ZNF71: variants seen among roughly 807,000 people sequenced by gnomAD.
ZNF71 encodes endothelial zinc finger protein induced by tumor necrosis factor alpha.
Under a neutral mutation model 6.7 loss-of-function variants are expected in ZNF71, and 3 were observed. That is an observed-to-expected ratio of 0.45 (90% CI 0.20 to 1.16). The LOEUF (loss-of-function observed/expected upper bound fraction) is 1.16, where lower values mean the gene tolerates loss of function less well. Ranked by LOEUF, ZNF71 falls within the 50% of genes most tolerant of loss-of-function variation. The pLI, the probability that ZNF71 is intolerant of heterozygous loss-of-function variation, is 0.25. For missense variants in ZNF71, 688 were observed against 728.6 expected (o/e 0.94, Z 0.64); for synonymous variants, 343 against 311.1 (o/e 1.10, Z -1.08).
chr19:56,621,498 T>C lies in ZNF71; in HGVS notation c.391T>C (p.Ser131Pro), dbSNP rs1186513970. ...CCAGGGGAACAAACTCTTAGGGGGC[T>C]CAGTACCCGCATGTCATGAACTGAA... ...IPQGNKLLGGSVPACHELKAF... is the reference protein window; with the variant it reads ...IPQGNKLLGGPVPACHELKAF... Residue 131 changes from serine (S) to proline (P), a missense_variant, in exon 4 of 4, where the codon TCA (serine) becomes CCA (proline). Ser to Pro is a moderately conservative substitution (Grantham distance 74). Transcript: ENST00000599599. 1.2e-6 allele frequency: 2 copies of C among 1,614,072 alleles called. No individual in the cohort carries two copies. The highest frequency in any genetic ancestry group is 8.5e-7 in the Non-Finnish European group (1 of 1,180,006).
intron 3 of ZNF71, among the ~76,000 whole-genome samples, chr19:56,620,238 C>CCAGCCAGGGGAGAGGATCTTG (rs2044832996): frequency 1.3e-5 from 2 of 152,244 alleles, no homozygotes; most frequent in South Asian, 4.1e-4. Context: ...AGCCGGAGCC[C>CCAGCCAGGGGAGAGGATCTTG]CAGCCAGGGG....
intron 2 of ZNF71, among the ~76,000 whole-genome samples, chr19:56,605,450 C>A (rs950765521): frequency 6.6e-6 from 1 of 152,170 alleles, no homozygotes; most frequent in East Asian, 1.9e-4. Context: ...CTACTCTAGC[C>A]CAGCTGCCAT....
In ZNF71 at chr19:56,622,826, C is replaced by A. The variant is rs374665471; in HGVS notation, c.*69C>A. ...GCCAGATGGCTGCGCGCTTTGTCAG[C>A]AGTGCTGTGAGAAGTTCTCCCCTGG... On this transcript the variant is annotated 3_prime_UTR_variant, in exon 4 of 4. Transcript: ENST00000599599. 3 of 1,531,026 alleles carry A rather than the reference C, an allele frequency of 2.0e-6. No homozygotes were observed. The Admixed American group carries it at 6.1e-5, about 31-fold the overall frequency. The allele number at this position is 1,531,026 out of a possible 1,614,324, so 94.8% of individuals were successfully genotyped here.
chr19:56,612,912 G>T lies in ZNF71; in HGVS notation c.34-900G>T, dbSNP rs928750783. Among the ~76,000 whole-genome samples, 4 of 152,216 alleles carry T rather than the reference G, an allele frequency of 2.6e-5. No homozygotes were observed. In the East Asian group the frequency reaches 7.7e-4, roughly 29 times the overall value. On this transcript the variant is annotated intron_variant, in intron 2 of 3. Transcript: ENST00000599599. ...TGCAGCAGCCCTGTTTCCAAATAAGGTCATGTTCTTGAGACCTTGAAGGTT... is the reference window on the plus strand; with the variant it reads ...TGCAGCAGCCCTGTTTCCAAATAAGTTCATGTTCTTGAGACCTTGAAGGTT...
At chr19:56,608,369 A>G (rs1419184485) in intron 2 of ZNF71, among the ~76,000 whole-genome samples, 1 of 152,238 alleles carries the variant, frequency 6.6e-6, no homozygotes, top group Non-Finnish European at 1.5e-5. Flanking sequence ...GGAATCGTGC[A>G]GTAGTTTTAC....
In ZNF71 at chr19:56,622,404, C is replaced by G. The variant is rs2044865952; in HGVS notation, c.1297C>G (p.Gln433Glu). 6.2e-7 allele frequency: 1 copy of G among 1,613,946 alleles called. No homozygotes were observed. Among genetic ancestry groups the G allele is most frequent in the Non-Finnish European group, 8.5e-7 (1 of 1,180,004 alleles). ...CAAGAACTCCTCGCTCACGCAGCAC[C>G]AGCGCATCCACACCGGCGAGAAGCC... ...FSKNSSLTQH[Q>E]RIHTGEKPYE... Residue 433 changes from glutamine to glutamate, a missense_variant, in exon 4 of 4, where the codon CAG becomes GAG. Transcript: ENST00000599599.
At position 56,613,824 on chromosome 19, in the gene ZNF71, T is replaced by C; in HGVS notation, c.46T>C (p.Phe16Leu). 1 of 1,113,160 alleles carries C rather than the reference T, an allele frequency of 9.0e-7. No homozygotes were observed. The highest frequency in any genetic ancestry group is 2.9e-5 in the South Asian group (1 of 34,476). The allele number at this position is 1,113,160 out of a possible 1,614,324, so 69.0% of individuals were successfully genotyped here. Reference protein sequence around the residue: ...LTDEALESVTFRDVTVDFTQE... With the variant: ...LTDEALESVTLRDVTVDFTQE... The stretch of plus-strand genomic sequence containing the variant: ...TTTCCTCTTACAGGAATCAGTGACG[T>C]TCAGGGATGTGACTGTGGACTTCAC... The change falls in exon 3 of 4, where the codon TTC (phenylalanine) becomes CTC (leucine). Residue 16 changes from phenylalanine to leucine, a missense_variant. Coordinates refer to ENST00000599599, the MANE Select transcript of ZNF71 (RefSeq NM_001370215.1). This position sits in a 1 kb window ranked among gnomAD's most constrained non-coding sequence, Gnocchi z 4.6.
At chr19:56,616,988 G>A (rs1435685462) in intron 3 of ZNF71, among the ~76,000 whole-genome samples, 4 of 152,142 alleles carry the variant, frequency 2.6e-5, no homozygotes, top group Admixed American at 2.0e-4. Context: ...CTCTGTCTTG[G>A]ACAAAAGCCC....
rs11882872 is a variant in ZNF71, at chr19:56,613,174, C to T, written c.34-638C>T. On this transcript the variant is annotated intron_variant, in intron 2 of 3. Transcript: ENST00000599599. This position sits in a 1 kb window ranked among gnomAD's most constrained non-coding sequence, Gnocchi z 4.6. Reference sequence around the variant, plus strand: ...CCAGCAGTCTCATCTGCCTTTTCACCTTCGGGTCTTGATCCAAGCTCTCTT... The same window carrying T: ...CCAGCAGTCTCATCTGCCTTTTCACTTTCGGGTCTTGATCCAAGCTCTCTT... Among the ~76,000 whole-genome samples the T allele has an allele frequency of 0.021, 3,171 of 152,238 alleles. 121 individuals carry two copies. The highest frequency in any genetic ancestry group is 0.072 in the African/African-American group (2,983 of 41,522).
intron 1 of ZNF71, among the ~76,000 whole-genome samples, chr19:56,599,332 T>A (rs1210041673): frequency 4.0e-5 from 1 of 24,926 alleles, no homozygotes; most frequent in Non-Finnish European, 8.2e-5. Context: ...GCTCACTGAT[T>A]TTTTTTTTGT....
intron 2 of ZNF71, among the ~76,000 whole-genome samples, chr19:56,612,529 A>C (rs754058412): frequency 3.3e-5 from 5 of 152,222 alleles, no homozygotes; most frequent in Admixed American, 6.5e-5. Context: ...CAGGAATGGA[A>C]AACCAAATGC....
rs951061492 is a variant in ZNF71, at chr19:56,618,785, G to A, written c.161-2483G>A. Among the ~76,000 whole-genome samples, 1 of 152,160 alleles carries A rather than the reference G, an allele frequency of 6.6e-6. No homozygotes were observed. The highest frequency in any genetic ancestry group is 1.5e-5 in the Non-Finnish European group (1 of 68,020). On this transcript the variant is annotated intron_variant, in intron 3 of 3. Coordinates refer to ENST00000599599, the MANE Select transcript of ZNF71 (RefSeq NM_001370215.1). The surrounding 1 kb of genome is among the most constrained non-coding windows in gnomAD (Gnocchi z 4.6). ...GGGTGGGCAGGGGACGACTCAGGCA[G>A]GCCTGCTGGGTGCTGAGGGCCCTGA...
chr19:56,599,758 A>G (rs1450830365), intron 1 of ZNF71, among the ~76,000 whole-genome samples: 6 of 145,478 alleles, frequency 4.1e-5, no homozygotes, highest in Non-Finnish European at 7.4e-5. Context: ...CAGTGTTGCC[A>G]TCTCAGCTCA....
chr19:56,600,092 G>GTTTT (rs1568503280), intron 1 of ZNF71, among the ~76,000 whole-genome samples: 2 of 112,964 alleles, frequency 1.8e-5, no homozygotes, highest in African/African-American at 3.8e-5. Flanking sequence ...TTTTTTTGGG[G>GTTTT]TTTGTTTTTT....
At position 56,622,145 on chromosome 19, in the gene ZNF71, C is replaced by T. The variant is rs779093808; in HGVS notation, c.1038C>T (p.Thr346=). ...GRAFSQNMHL[T]EHQRTHTGEK... is the part of the protein sequence containing the mutation. ...CCTTCAGCCAGAACATGCACCTGAC[C>T]GAGCACCAGCGCACGCACACCGGGG... The change falls in exon 4 of 4, where the codon ACC becomes ACT. Residue 346 remains threonine, a synonymous_variant. Transcript: ENST00000599599. The T allele has an allele frequency of 1.2e-6, 2 of 1,612,016 alleles. No individual in the cohort carries two copies. The highest frequency in any genetic ancestry group is 8.5e-7 in the Non-Finnish European group (1 of 1,179,212).
At chr19:56,619,043 C>T (rs77449744) in intron 3 of ZNF71, among the ~76,000 whole-genome samples, 16,644 of 152,064 alleles carry the variant, frequency 0.11, 1,238 homozygotes, top group East Asian at 0.31. Flanking sequence ...AGGCTGTTTG[C>T]GCACAGCAAT....
Position 56,603,632 on chromosome 19 carries a change from A to C in ZNF71, c.33+2041A>C, listed in dbSNP as rs1056709681. Among the ~76,000 whole-genome samples, 3 of 152,206 alleles carry C rather than the reference A, an allele frequency of 2.0e-5. No homozygotes were observed. The highest frequency in any genetic ancestry group is 4.4e-5 in the Non-Finnish European group (3 of 68,034). ...TTAACTCTGTTGAACCAGTAAAGGA[A>C]CCACCAGACTGTTTTCCTAAGCGAT... is the stretch of plus-strand genomic sequence containing the variant. On this transcript the variant is annotated intron_variant, in intron 2 of 3. Coordinates refer to ENST00000599599, the MANE Select transcript of ZNF71 (RefSeq NM_001370215.1). The surrounding 1 kb of genome is among the most constrained non-coding windows in gnomAD (Gnocchi z 4.6).
At chr19:56,615,423 T>G (rs1235568545) in intron 3 of ZNF71, among the ~76,000 whole-genome samples, 1 of 152,232 alleles carries the variant, frequency 6.6e-6, no homozygotes, top group Non-Finnish European at 1.5e-5. Flanking sequence ...ATCACTGTGC[T>G]TTTCATTTGA....
intron 2 of ZNF71, among the ~76,000 whole-genome samples, chr19:56,607,161 G>A (rs1047027562): frequency 9.9e-5 from 15 of 152,034 alleles, no homozygotes; most frequent in African/African-American, 3.4e-4. Flanking sequence ...TATCTAATAC[G>A]TATTCTGATA....
Sources: allele counts gnomAD v4.1 joint callset (sites outside exome capture counted in the v4.1 genomes callset), GRCh38; gene constraint gnomAD v4.1.1; non-coding constraint Gnocchi (gnomAD v3.1); transcripts MANE v1.5; gene names NCBI Gene and HGNC (gene_info 2026-07-23, HGNC 2026-07-21).